The following MYCBPAP variants were observed in gnomAD, a reference collection of about 807,000 sequenced individuals.
MYCBPAP encodes the protein MYCBP associated protein, also known as MYCBP-associated protein.
MYCBPAP carries 60 observed loss-of-function variants against 106.1 expected under a neutral mutation model. The ratio of observed to expected loss-of-function variants is 0.57; its 90% confidence interval spans 0.46 to 0.70. The LOEUF (loss-of-function observed/expected upper bound fraction) is 0.70, where lower values mean the gene tolerates loss of function less well. MYCBPAP is among the 30% of genes least tolerant of loss of function. The probability of loss-of-function intolerance (pLI) is 0.00; values close to 1 mark genes in which losing one functional copy is unlikely to be tolerated. For synonymous variants in MYCBPAP, 407 were observed against 440.6 expected, an observed-to-expected ratio of 0.92 and a Z score of 0.95; for missense variants, 1,064 against 1,169.3, an observed-to-expected ratio of 0.91 and a Z score of 1.31.
At chr17:50,511,858 T>A (rs2033861044) in intron 1 of MYCBPAP, among the ~76,000 whole-genome samples, 1 of 152,082 alleles carries the variant, frequency 6.6e-6, no homozygotes, top group Admixed American at 6.5e-5. Flanking sequence ...CCTTCCCTGG[T>A]CTCCCCAGCT....
Position 50,529,000 on chromosome 17 carries a change from G to T in MYCBPAP, c.2554-18G>T, listed in dbSNP as rs1299577249. The T allele has an allele frequency of 1.2e-6, 2 of 1,610,812 alleles. No homozygotes were observed. The highest frequency in any genetic ancestry group is 1.7e-6 in the Non-Finnish European group (2 of 1,178,414). On this transcript the variant is annotated intron_variant, in intron 17 of 18. Transcript: ENST00000323776. Reference sequence around the variant, plus strand: ...TCTGGAGCTCCTGAAGGCTATGTGTGTCTCCCTCCCCCAGCAGGACCGTCC... The same window carrying T: ...TCTGGAGCTCCTGAAGGCTATGTGTTTCTCCCTCCCCCAGCAGGACCGTCC...
intron 13 of MYCBPAP, 116 bp downstream of exon 13, chr17:50,525,139 T>C (rs1213875636): frequency 7.0e-6 from 9 of 1,282,326 alleles, no homozygotes; most frequent in Admixed American, 4.5e-5. Context: ...CTGCCTGAGC[T>C]CTGCCTCCTG....
In MYCBPAP at chr17:50,528,826, C is replaced by A. The variant is rs138074356; in HGVS notation, c.2539C>A (p.Leu847Met). The A allele has an allele frequency of 6.2e-7, 1 of 1,613,454 alleles. No homozygotes were observed. Among genetic ancestry groups the A allele is most frequent in the Non-Finnish European group, 8.5e-7 (1 of 1,180,004 alleles). The change falls in exon 17 of 19, where the codon CTG (leucine) becomes ATG (methionine). Residue 847 changes from leucine to methionine, a missense_variant. Physicochemically the swap from Leu to Met is conservative, Grantham distance 15 (BLOSUM62 2). Coordinates refer to ENST00000323776, the MANE Select transcript of MYCBPAP (RefSeq NM_032133.6). ...KDKEDKKGAK[L>M]LGKEDRPNSK... Reference sequence around the variant, plus strand: ...CAAAGAAGACAAGAAAGGAGCCAAGCTGCTCGGGAAAGAGGCATGCTGGGG... The same window carrying A: ...CAAAGAAGACAAGAAAGGAGCCAAGATGCTCGGGAAAGAGGCATGCTGGGG...
chr17:50,528,611 C>T, intron 16 of MYCBPAP, 84 bp from the exon 17 acceptor site: 7 of 1,535,562 alleles, frequency 4.6e-6, no homozygotes, highest in Non-Finnish European at 6.2e-6. Flanking sequence ...GCTTTTCCAC[C>T]TCCCCTCAAG....
intron 17 of MYCBPAP, 50 bp downstream of exon 17, chr17:50,528,890 G>C: frequency 6.2e-7 from 1 of 1,606,740 alleles, no homozygotes; most frequent in East Asian, 2.2e-5. Context: ...GGGGATTGGA[G>C]GGGCTGCGGA....
chr17:50,511,663 CTT>C (rs1012528467), intron 1 of MYCBPAP, among the ~76,000 whole-genome samples: 3 of 152,156 alleles, frequency 2.0e-5, no homozygotes, highest in Non-Finnish European at 4.4e-5. Flanking sequence ...GGGGTGGTCT[CTT>C]TTACCCCTCA....
intron 1 of MYCBPAP, among the ~76,000 whole-genome samples, chr17:50,512,105 G>C (rs2033875655): frequency 6.7e-6 from 1 of 148,534 alleles, no homozygotes; most frequent in South Asian, 2.1e-4. Flanking sequence ...AGGCTCTGGA[G>C]TGCAGTGGTG....
At chr17:50,517,033 C>G (rs571613143) in intron 2 of MYCBPAP, among the ~76,000 whole-genome samples, 2 of 152,284 alleles carry the variant, frequency 1.3e-5, no homozygotes, top group South Asian at 4.2e-4. Flanking sequence ...AACCCTAACC[C>G]CATGCTTTAC....
At position 50,523,077 on chromosome 17, in the gene MYCBPAP, C is replaced by T; in HGVS notation, c.1396C>T (p.Gln466Ter). 1 of 1,614,126 alleles carries T rather than the reference C, an allele frequency of 6.2e-7. No individual in the cohort carries two copies. The highest frequency in any genetic ancestry group is 8.5e-7 in the Non-Finnish European group (1 of 1,180,020). The change falls in exon 11 of 19, where the codon CAA becomes TAA. Residue 466 changes from glutamine to a stop codon, truncating the protein, a stop_gained. Transcript: ENST00000323776. LOFTEE classifies it high-confidence loss of function. ...ACGGCAGCACCAGCCGGACACTTTC[C>T]AAGACCTTAAGAAAAACAGGATGCA... ...WRRQHQPDTF[Q>*]DLKKNRMQRF...
At chr17:50,525,765 G>A in intron 13 of MYCBPAP, 116 bp from the exon 14 acceptor site, 8 of 1,264,490 alleles carry the variant, frequency 6.3e-6, no homozygotes, top group Non-Finnish European at 8.6e-6. Context: ...CACTGGGATT[G>A]CAGGCTTGAG....
Position 50,519,770 on chromosome 17 carries a change from C to T in MYCBPAP, c.899C>T (p.Ser300Phe). The T allele has an allele frequency of 1.9e-6, 3 of 1,613,812 alleles. No homozygotes were observed. The highest frequency in any genetic ancestry group is 1.1e-5 in the South Asian group (1 of 91,002). Reference sequence around the variant, plus strand: ...ATCACTCACATCAGGAAGCCCCACTCCATCCGGGTGGAGACAGGTGAGGCG... The same window carrying T: ...ATCACTCACATCAGGAAGCCCCACTTCATCCGGGTGGAGACAGGTGAGGCG... ...EPITHIRKPH[S>F]IRVETGLPAQ... Residue 300 changes from serine (S) to phenylalanine (F), a missense_variant, in exon 7 of 19, where the codon TCC (serine) becomes TTC (phenylalanine). Coordinates refer to ENST00000323776, the MANE Select transcript of MYCBPAP (RefSeq NM_032133.6).
intron 1 of MYCBPAP, among the ~76,000 whole-genome samples, chr17:50,513,532 CT>C (rs2033934103): frequency 6.6e-6 from 1 of 152,192 alleles, no homozygotes; most frequent in Admixed American, 6.5e-5. Flanking sequence ...CAGAGTTTTA[CT>C]ATTTCAATCT....
intron 7 of MYCBPAP, chr17:50,520,193 T>C (rs2034208688): frequency 6.2e-6 from 1 of 160,482 alleles, no homozygotes; most frequent in Non-Finnish European, 1.4e-5. Context: ...TTTGATATAC[T>C]GAATTAAATA....
At chr17:50,510,387 TA>T (rs1379202826) in intron 1 of MYCBPAP, 1 of 150,124 alleles carries the variant, frequency 6.7e-6, no homozygotes, top group Non-Finnish European at 1.5e-5. Flanking sequence ...CCCCCATTAT[TA>T]AAAAAATAAA....
intron 15 of MYCBPAP, 79 bp from the exon 16 acceptor site, chr17:50,528,076 A>G: frequency 2.5e-6 from 3 of 1,221,934 alleles, no homozygotes; most frequent in Non-Finnish European, 3.5e-6. Flanking sequence ...AGGGTCTTTG[A>G]AGGGAGGGAC....
At position 50,526,165 on chromosome 17, in the gene MYCBPAP, C is replaced by G. The variant is rs372880401; in HGVS notation, c.2067C>G (p.Ile689Met). 5.6e-5 allele frequency: 90 copies of G among 1,613,494 alleles called. No individual in the cohort carries two copies. The highest frequency in any genetic ancestry group is 7.3e-5 in the Non-Finnish European group (86 of 1,179,932). ...SPQRKSIMEE[I>M]LVEESPDVDS... The stretch of plus-strand genomic sequence containing the variant: ...AGCGGAAGAGCATCATGGAGGAGAT[C>G]CTGGTGGAGGAAAGCCCAGATGTGG... The change falls in exon 14 of 19, where the codon ATC becomes ATG. Residue 689 changes from isoleucine to methionine, a missense_variant. Transcript: ENST00000323776.
Position 50,526,089 on chromosome 17 carries a change from C to T in MYCBPAP, c.1991C>T (p.Ala664Val). 3 of 1,613,932 alleles carry T rather than the reference C, an allele frequency of 1.9e-6. No homozygotes were observed. Among genetic ancestry groups the T allele is most frequent in the South Asian group, 2.2e-5 (2 of 91,084 alleles). ...CAAGTGCCCCGGCCTGAGAACGAGG[C>T]CCTCAGGGAATCCGGGTCCCAGAAG... ...ETQVPRPENE[A>V]LRESGSQKAR... The change falls in exon 14 of 19, where the codon GCC becomes GTC. Residue 664 changes from alanine to valine, a missense_variant. Ala to Val is a moderately conservative substitution (Grantham distance 64). Transcript: ENST00000323776.
chr17:50,508,751 G>T lies in MYCBPAP; in HGVS notation c.76+1G>T, dbSNP rs966234526. The T allele has an allele frequency of 5.0e-6, 8 of 1,608,322 alleles. No homozygotes were observed. The East Asian group carries it at 8.9e-5, about 18-fold the overall frequency. ...TTAGAGGCCTCAGAGAATGTCAAAGGTTGGCGCTGGCTGCCTTGGGCGCTC... is the reference window on the plus strand; with the variant it reads ...TTAGAGGCCTCAGAGAATGTCAAAGTTTGGCGCTGGCTGCCTTGGGCGCTC... On this transcript the variant is annotated splice_donor_variant, in intron 1 of 18. Coordinates refer to ENST00000323776, the MANE Select transcript of MYCBPAP (RefSeq NM_032133.6). LOFTEE classifies it high-confidence loss of function.
rs116125485 is a variant in MYCBPAP at position 50,518,373 on chromosome 17, C to T, written c.469-168C>T. Among the ~76,000 whole-genome samples, 867 of 152,262 alleles carry T rather than the reference C, an allele frequency of 5.7e-3. 8 individuals are homozygous for T. Among genetic ancestry groups the T allele is most frequent in the African/African-American group, 0.02 (836 of 41,560 alleles). On this transcript the variant is annotated intron_variant, in intron 4 of 18. Coordinates refer to ENST00000323776, the MANE Select transcript of MYCBPAP (RefSeq NM_032133.6). ...TGGACTGACAGCTGCTTTCAGGGCCCCCTGGTTCTGGGATTTATTTTCTGT... is the reference window on the plus strand; with the variant it reads ...TGGACTGACAGCTGCTTTCAGGGCCTCCTGGTTCTGGGATTTATTTTCTGT...
Sources: gnomAD v4.1 joint callset for allele counts (sites outside exome capture counted in the v4.1 genomes callset) on GRCh38, gnomAD v4.1.1 for gene constraint, MANE v1.5 for transcripts, NCBI Gene and HGNC (gene_info 2026-07-23, HGNC 2026-07-21) for gene names.